Variants in PTPA observed in about 807,000 individuals in gnomAD.
PTPA encodes the protein protein phosphatase 2 phosphatase activator.
A neutral mutation model predicts 43.6 loss-of-function variants in PTPA; 13 were observed. The ratio of observed to expected loss-of-function variants is 0.30; its 90% CI spans 0.19 to 0.47. PTPA has a LOEUF of 0.47. Ranked by LOEUF, PTPA falls within the 20% of genes least tolerant of loss-of-function variation. The pLI, the probability that PTPA is intolerant of heterozygous loss-of-function variation, is 0.99. For synonymous variants in PTPA, 172 were observed against 158.2 expected (o/e 1.09, Z -0.66); for missense variants, 329 against 411.9 (o/e 0.80, Z 1.74).
intron 1 of PTPA, among the ~76,000 whole-genome samples, chr9:129,116,756 C>G (rs923018888): frequency 6.6e-6 from 1 of 151,996 alleles, no homozygotes; most frequent in Non-Finnish European, 1.5e-5. Flanking sequence ...GTCTTGAACT[C>G]CTGAGCCCAG....
intron 3 of PTPA, among the ~76,000 whole-genome samples, chr9:129,127,638 C>T (rs28365577): frequency 0.012 from 1,828 of 152,310 alleles, 49 homozygotes; most frequent in East Asian, 0.12. Context: ...CCGATTTCTT[C>T]ATTGAGTAAC....
intron 3 of PTPA, among the ~76,000 whole-genome samples, chr9:129,126,957 C>G (rs996008289): frequency 5.3e-5 from 8 of 152,174 alleles, no homozygotes; most frequent in African/African-American, 1.4e-4. Flanking sequence ...CCTGGGGAAT[C>G]TGGGGCTGAC....
chr9:129,111,989 G>C (rs1848536292), intron 1 of PTPA: 2 of 292,908 alleles, frequency 6.8e-6, no homozygotes, highest in Non-Finnish European at 1.2e-5. Context: ...CTGCCAGGGA[G>C]GGGGGCGAAA....
At chr9:129,139,389 C>G (rs1160942509) in intron 8 of PTPA, 1 of 152,242 alleles carries the variant, frequency 6.6e-6, no homozygotes, top group Non-Finnish European at 1.5e-5. Flanking sequence ...GCAGAAGGAA[C>G]AGGGAGGGGA....
Position 129,131,640 on chromosome 9 carries a change from G to GT in PTPA, c.460+2dup, listed in dbSNP as rs1326702422. 1 of 1,613,306 alleles carries GT rather than the reference G, an allele frequency of 6.2e-7. No individual in the cohort carries two copies. The highest frequency in any genetic ancestry group is 1.7e-5 in the Admixed American group (1 of 60,030). ...TCCACGCGCATTGACTACGGCACAG[G>GT]TATCTGCTGCTTGTGGGGCTCTGTA... On this transcript the variant is annotated splice_donor_variant, in intron 5 of 9. Transcript: ENST00000393370. LOFTEE classifies it high-confidence loss of function.
At chr9:129,140,914 G>A (rs1301065018) in intron 8 of PTPA, among the ~76,000 whole-genome samples, 2 of 152,140 alleles carry the variant, frequency 1.3e-5, no homozygotes, top group Non-Finnish European at 2.9e-5. Context: ...CCCTCCTGGA[G>A]GAGAGAGCCT....
At chr9:129,117,706 C>T (rs1391956273) in intron 1 of PTPA, among the ~76,000 whole-genome samples, 3 of 141,320 alleles carry the variant, frequency 2.1e-5, no homozygotes, top group Admixed American at 7.0e-5. Context: ...CACCCAGCCT[C>T]TTTTTTTTTT....
chr9:129,126,426 C>T (rs909566279), intron 3 of PTPA, among the ~76,000 whole-genome samples: 10 of 151,948 alleles, frequency 6.6e-5, no homozygotes, highest in Admixed American at 5.9e-4. Context: ...GTGATCTGCC[C>T]GTCTTGGCCT....
At chr9:129,124,911 C>G (rs1336430640) in intron 3 of PTPA, among the ~76,000 whole-genome samples, 1 of 152,226 alleles carries the variant, frequency 6.6e-6, no homozygotes, top group African/African-American at 2.4e-5. Flanking sequence ...CTGGGCCTGT[C>G]TGGCTATTAG....
chr9:129,112,167 G>T (rs1848559437), intron 1 of PTPA, among the ~76,000 whole-genome samples: 1 of 152,198 alleles, frequency 6.6e-6, no homozygotes, highest in Non-Finnish European at 1.5e-5. Flanking sequence ...GAAACTGCCC[G>T]TGGTGTCTAA....
intron 3 of PTPA, among the ~76,000 whole-genome samples, chr9:129,126,977 C>T (rs773732997): frequency 2.0e-5 from 3 of 152,136 alleles, no homozygotes; most frequent in Non-Finnish European, 4.4e-5. Flanking sequence ...CTAGTGCTTC[C>T]TGGGGCCAAG....
chr9:129,136,289 C>T (rs1285055780), intron 6 of PTPA, among the ~76,000 whole-genome samples, 182 bp from the exon 7 acceptor site: 3 of 152,182 alleles, frequency 2.0e-5, no homozygotes, highest in Admixed American at 2.0e-4. Flanking sequence ...ATTTTTATGC[C>T]TTTCCTGAGC....
At chr9:129,144,367 C>T (rs532408165) in intron 9 of PTPA, among the ~76,000 whole-genome samples, 5 of 152,136 alleles carry the variant, frequency 3.3e-5, no homozygotes, top group South Asian at 2.1e-4. Flanking sequence ...GAGATTCTAG[C>T]CCTAGTTGAG....
At chr9:129,138,559 T>C (rs1850538846) in intron 8 of PTPA, among the ~76,000 whole-genome samples, 1 of 152,176 alleles carries the variant, frequency 6.6e-6, no homozygotes, top group African/African-American at 2.4e-5. Context: ...CTCGCTCAGC[T>C]ATCTGGAGAG....
chr9:129,122,985 CG>C (rs1235110957), intron 2 of PTPA, 66 bp from the exon 3 acceptor site: 4 of 1,240,650 alleles, frequency 3.2e-6, no homozygotes, highest in Non-Finnish European at 4.6e-6. Flanking sequence ...TGGTGGAGCT[CG>C]GGGCAGGTGG....
chr9:129,143,206 T>C, intron 9 of PTPA: 3 of 643,382 alleles, frequency 4.7e-6, no homozygotes, highest in Non-Finnish European at 8.5e-6. Context: ...TTTTCTCTCT[T>C]CCAAGTGGGG....
At position 129,134,906 on chromosome 9, in the gene PTPA, G is replaced by C; in HGVS notation, c.560+12G>C. The C allele has an allele frequency of 1.2e-6, 2 of 1,607,642 alleles. No individual in the cohort carries two copies. Among genetic ancestry groups the C allele is most frequent in the South Asian group, 2.2e-5 (2 of 90,840 alleles). On this transcript the variant is annotated intron_variant, in intron 6 of 9. Transcript: ENST00000393370. ...AAGGTGTTCAATCGGTGAGAGAAAGGACAGGAGGGTTGGAGGAGGGGGCGT... is the reference window on the plus strand; with the variant it reads ...AAGGTGTTCAATCGGTGAGAGAAAGCACAGGAGGGTTGGAGGAGGGGGCGT...
At chr9:129,111,291 CCTAGCGCTT>C (rs2131516799), upstream of PTPA, 1 of 1,132,156 alleles carries the variant, frequency 8.8e-7, no homozygotes, top group South Asian at 3.3e-5. Context: ...CGTGAGCGGT[CCTAGCGCTT>C]GGCGGCCGTT....
At chr9:129,112,199 G>T (rs922376030) in intron 1 of PTPA, among the ~76,000 whole-genome samples, 15 of 152,168 alleles carry the variant, frequency 9.9e-5, no homozygotes, top group African/African-American at 3.6e-4. Context: ...TAAAAGGCTG[G>T]TTGTGCAAGG....
Sources: allele counts gnomAD v4.1 joint callset (sites outside exome capture counted in the v4.1 genomes callset), GRCh38; gene constraint gnomAD v4.1.1; transcripts MANE v1.5; gene names NCBI Gene and HGNC (gene_info 2026-07-23, HGNC 2026-07-21).